Variants in JAKMIP3 observed in about 807,000 individuals in gnomAD.
JAKMIP3 encodes the protein Janus kinase and microtubule interacting protein 3, also known as janus kinase and microtubule-interacting protein 3.
In JAKMIP3, 58 loss-of-function variants were observed where a neutral mutation model predicts 118.5. That is an observed-to-expected ratio of 0.49 (90% confidence interval 0.40 to 0.61). The LOEUF (loss-of-function observed/expected upper bound fraction) is 0.61. Among genes scored for constraint, JAKMIP3 ranks in the 20% least tolerant of loss-of-function variants. The pLI, the probability that JAKMIP3 is intolerant of heterozygous loss-of-function variation, is 0.00. For synonymous variants in JAKMIP3, 486 were observed against 451.2 expected (o/e 1.08, Z -0.98); for missense variants, 950 against 1,109.0 (o/e 0.86, Z 2.04).
At chr10:132,076,386 C>T (rs1375522723) in intron 1 of JAKMIP3, among the ~76,000 whole-genome samples, 5 of 152,364 alleles carry the variant, frequency 3.3e-5, no homozygotes, top group East Asian at 3.9e-4. Flanking sequence ...GTGGATAGAC[C>T]GTTTTTGTTT....
chr10:132,153,901 C>T lies in JAKMIP3; in HGVS notation c.2143-12C>T. The T allele has an allele frequency of 6.2e-7, 1 of 1,613,108 alleles. No individual in the cohort carries two copies. Among genetic ancestry groups the T allele is most frequent in the Non-Finnish European group, 8.5e-7 (1 of 1,179,822 alleles). On this transcript the variant is annotated splice_polypyrimidine_tract_variant and intron_variant, in intron 18 of 23. Coordinates refer to ENST00000684848, the MANE Select transcript of JAKMIP3 (RefSeq NM_001323087.2). ...ACATCCGAGACCGAGGCATGGCCCT[C>T]CTGTGTTTCAGGAGCTGTTCAGTAA... is the stretch of plus-strand genomic sequence containing the variant.
chr10:132,085,529 C>T (rs1437762800), intron 1 of JAKMIP3, among the ~76,000 whole-genome samples: 2 of 143,886 alleles, frequency 1.4e-5, no homozygotes, highest in African/African-American at 5.2e-5. Flanking sequence ...GAGAGGAAGT[C>T]TTGCTCTGTC....
intron 14 of JAKMIP3, among the ~76,000 whole-genome samples, 176 bp from the exon 15 acceptor site, chr10:132,149,236 G>A (rs1220835751): frequency 2.0e-5 from 3 of 152,078 alleles, no homozygotes; most frequent in Admixed American, 2.0e-4. Flanking sequence ...TTGTGGGCAG[G>A]TCCAGGTCCA....
chr10:132,099,163 G>T (rs1295229238), intron 1 of JAKMIP3, among the ~76,000 whole-genome samples: 1 of 152,106 alleles, frequency 6.6e-6, no homozygotes, highest in Non-Finnish European at 1.5e-5. Context: ...CAAATCCAGA[G>T]GCTCAACACT....
intron 2 of JAKMIP3, among the ~76,000 whole-genome samples, chr10:132,115,837 C>T (rs977152677): frequency 6.6e-6 from 1 of 152,262 alleles, no homozygotes; most frequent in African/African-American, 2.4e-5. Context: ...TGGAGCAGCC[C>T]TGAGGGCTCA....
intron 1 of JAKMIP3, among the ~76,000 whole-genome samples, chr10:132,056,033 A>G (rs1029525840): frequency 2.0e-5 from 3 of 152,214 alleles, no homozygotes; most frequent in Non-Finnish European, 4.4e-5. Flanking sequence ...GCCTGGGGAC[A>G]CACGCCGCCC....
In JAKMIP3 at chr10:132,104,340, C is replaced by T. The variant is rs1196713240; in HGVS notation, c.-137-332C>T. 2.6e-5 allele frequency among the ~76,000 whole-genome samples: 4 copies of T among 152,194 alleles called. No homozygotes were observed. In the South Asian group the frequency reaches 8.3e-4, roughly 31 times the overall value. On this transcript the variant is annotated intron_variant, in intron 1 of 23. Coordinates refer to ENST00000684848, the MANE Select transcript of JAKMIP3 (RefSeq NM_001323087.2). Reference sequence around the variant, plus strand: ...CATTGCCGCCATGTGGCCTCACAGCCATGTACAGAATTCTGAGTTCGAAGT... The same window carrying T: ...CATTGCCGCCATGTGGCCTCACAGCTATGTACAGAATTCTGAGTTCGAAGT...
chr10:132,054,887 C>T (rs1163426163), intron 1 of JAKMIP3, among the ~76,000 whole-genome samples: 1 of 151,820 alleles, frequency 6.6e-6, no homozygotes, highest in Non-Finnish European at 1.5e-5. Flanking sequence ...ACCGAGGACC[C>T]TCCGCTTGGG....
At chr10:132,066,357 A>G (rs2038769166) in intron 1 of JAKMIP3, among the ~76,000 whole-genome samples, 1 of 152,196 alleles carries the variant, frequency 6.6e-6, no homozygotes, top group Admixed American at 6.5e-5. Context: ...TCCCATATGT[A>G]AAGCGGATGC....
intron 23 of JAKMIP3, among the ~76,000 whole-genome samples, chr10:132,171,786 C>T (rs995649982): frequency 3.3e-5 from 5 of 151,842 alleles, no homozygotes; most frequent in Admixed American, 2.0e-4. Context: ...TCCCGAGTAG[C>T]GGGGATTACA....
chr10:132,138,961 G>C (rs550199385), intron 9 of JAKMIP3, among the ~76,000 whole-genome samples: 1 of 152,202 alleles, frequency 6.6e-6, no homozygotes, highest in African/African-American at 2.4e-5. Context: ...CTCTACAGTA[G>C]AATCCTTTGT....
intron 1 of JAKMIP3, among the ~76,000 whole-genome samples, chr10:132,081,358 TG>T (rs1176499718): frequency 6.6e-6 from 1 of 152,214 alleles, no homozygotes; most frequent in Non-Finnish European, 1.5e-5. Flanking sequence ...TGCAATCCAT[TG>T]GAAAATGATT....
In JAKMIP3 at chr10:132,117,274, C is replaced by A. The variant is rs371369909; in HGVS notation, c.333C>A (p.Asn111Lys). Residue 111 changes from asparagine to lysine, a missense_variant, in exon 3 of 24, where the codon AAC (asparagine) becomes AAA (lysine). Coordinates refer to ENST00000684848, the MANE Select transcript of JAKMIP3 (RefSeq NM_001323087.2). The surrounding 1 kb of genome is among the most constrained non-coding windows in gnomAD (Gnocchi z 8.6). ...TCAGGGTCATCAAGATCAAGGACAACGAGAACCAGCGGCTGCAGGCACTGC... is the reference window on the plus strand; with the variant it reads ...TCAGGGTCATCAAGATCAAGGACAAAGAGAACCAGCGGCTGCAGGCACTGC... ...ELLRVIKIKDNENQRLQALLS... is the reference protein window; with the variant it reads ...ELLRVIKIKDKENQRLQALLS... 1 of 1,613,820 alleles carries A rather than the reference C, an allele frequency of 6.2e-7. No individual in the cohort carries two copies.
rs1826883813 is a variant in JAKMIP3, at chr10:132,118,364, G to T, written c.633+790G>T. 6.6e-6 allele frequency among the ~76,000 whole-genome samples: 1 copy of T among 152,232 alleles called. No individual in the cohort carries two copies. The highest frequency in any genetic ancestry group is 6.5e-5 in the Admixed American group (1 of 15,292). ...CCCCTTGTCCTTTGGAGAGGAGACTGTCCTGTGATTTTGGGGGAAATGGAG... is the reference window on the plus strand; with the variant it reads ...CCCCTTGTCCTTTGGAGAGGAGACTTTCCTGTGATTTTGGGGGAAATGGAG... On this transcript the variant is annotated intron_variant, in intron 3 of 23. Transcript: ENST00000684848. The surrounding 1 kb of genome is among the most constrained non-coding windows in gnomAD (Gnocchi z 4.8).
chr10:132,036,390 G>A (rs1042722948), upstream of JAKMIP3, among the ~76,000 whole-genome samples: 1 of 152,236 alleles, frequency 6.6e-6, no homozygotes, highest in Non-Finnish European at 1.5e-5. Flanking sequence ...CATGGCGCTG[G>A]GATCGGCCTG....
intron 1 of JAKMIP3, among the ~76,000 whole-genome samples, chr10:132,079,563 C>T (rs183855402): frequency 5.3e-5 from 8 of 152,314 alleles, no homozygotes; most frequent in East Asian, 3.9e-4. Flanking sequence ...ACATGGAACA[C>T]GAATATGCCA....
At chr10:132,127,413 T>TGC (rs966103113) in intron 3 of JAKMIP3, among the ~76,000 whole-genome samples, 6 of 150,268 alleles carry the variant, frequency 4.0e-5, no homozygotes, top group African/African-American at 1.5e-4. Context: ...TGTGTGTGTG[T>TGC]GTGTGCGTGT....
intron 3 of JAKMIP3, among the ~76,000 whole-genome samples, chr10:132,133,036 G>A (rs925940793): frequency 6.6e-6 from 1 of 152,204 alleles, no homozygotes; most frequent in African/African-American, 2.4e-5. Flanking sequence ...AGGACAGCAC[G>A]GAATGGGGTG....
At chr10:132,063,001 G>A (rs970076552), upstream of JAKMIP3, among the ~76,000 whole-genome samples, 7 of 152,194 alleles carry the variant, frequency 4.6e-5, no homozygotes, top group African/African-American at 9.7e-5. Flanking sequence ...TTTTGGACCC[G>A]CCGGGTCTGA....
Sources: gnomAD v4.1 joint callset for allele counts (sites outside exome capture counted in the v4.1 genomes callset) on GRCh38, gnomAD v4.1.1 for gene constraint, Gnocchi (gnomAD v3.1) non-coding constraint, MANE v1.5 for transcripts, NCBI Gene and HGNC (gene_info 2026-07-23, HGNC 2026-07-21) for gene names.